HOXA3: variants seen among roughly 807,000 people sequenced by gnomAD.
HOXA3 encodes homeobox protein Hox-A3.
Under a neutral mutation model 30.3 loss-of-function variants are expected in HOXA3, and 8 were observed. The observed-to-expected ratio is 0.26, with a 90% CI of 0.15 to 0.48. The LOEUF (loss-of-function observed/expected upper bound fraction) is 0.48. HOXA3 is among the 20% of genes least tolerant of loss of function. HOXA3 has a pLI of 0.99. For missense variants in HOXA3, 653 were observed against 614.4 expected (o/e 1.06, Z -0.66); for synonymous variants, 323 against 273.1 (o/e 1.18, Z -1.80).
Position 27,152,253 on chromosome 7 carries a change from C to T in HOXA3, c.-494+35G>A, listed in dbSNP as rs746331492. On this transcript the variant is annotated intron_variant, in intron 1 of 5. Transcript: ENST00000612286. The stretch of plus-strand genomic sequence containing the variant: ...CTACCGCCGCCGGCTGTCGCCTCAC[C>T]ACCTTTGCTCCTATCTCCTCCCCAC... 507 of 1,251,838 alleles carry T rather than the reference C, an allele frequency of 4.1e-4. 2 individuals carry two copies. Among genetic ancestry groups the T allele is most frequent in the Middle Eastern group, 6.6e-4 (3 of 4,546 alleles). The allele number at this position is 1,251,838 out of a possible 1,614,324, so 77.5% of individuals were successfully genotyped here.
At chr7:27,120,163 C>A (rs1222728025) in intron 4 of HOXA3, among the ~76,000 whole-genome samples, 3 of 152,096 alleles carry the variant, frequency 2.0e-5, no homozygotes, top group Non-Finnish European at 4.4e-5. Flanking sequence ...CTCCCTACCC[C>A]CAAGTTTCTG....
intron 2 of HOXA3, 53 bp from the exon 3 acceptor site, chr7:27,127,123 G>T (rs765853021): frequency 3.9e-5 from 6 of 152,196 alleles, no homozygotes; most frequent in Non-Finnish European, 7.3e-5. Context: ...TGATTCCTGG[G>T]AAAATTGCTA....
chr7:27,131,527 A>G (rs143237428), intron 2 of HOXA3, among the ~76,000 whole-genome samples: 1 of 152,154 alleles, frequency 6.6e-6, no homozygotes, highest in Admixed American at 6.5e-5. Flanking sequence ...TTCAGAGACA[A>G]TCTGTTTCGT....
At chr7:27,114,863 A>AT (rs1784619539) in intron 4 of HOXA3, among the ~76,000 whole-genome samples, 4 of 32,082 alleles carry the variant, frequency 1.2e-4, no homozygotes, top group African/African-American at 2.5e-4. Context: ...TTATATATAT[A>AT]ATATATATTA....
rs1182815253 is a variant in HOXA3, at chr7:27,108,009, C to T, written c.1238G>A (p.Gly413Glu). The change falls in exon 6 of 6, where the codon GGG (glycine) becomes GAG (glutamate). Residue 413 changes from glycine (G) to glutamate (E), a missense_variant. Gly to Glu is a moderately conservative substitution (Grantham distance 98). This residue lies in a region of HOXA3 where 330 missense variants were observed against 274.4 expected (regional missense o/e 1.20). Transcript: ENST00000612286. This position sits in a 1 kb window ranked among gnomAD's most constrained non-coding sequence, Gnocchi z 5.0. ...GTAGGTGGGGTGCGGCTCCCCAGGC[C>T]CCGGCCCGTGGTGGTGGCCGCTGCC... ...PLGSGHHHGP[G>E]PGEPHPTYTD... 1 of 1,612,596 alleles carries T rather than the reference C, an allele frequency of 6.2e-7. No individual in the cohort carries two copies. The highest frequency in any genetic ancestry group is 1.1e-5 in the South Asian group (1 of 90,974).
At chr7:27,133,482 C>T (rs750700825) in intron 2 of HOXA3, among the ~76,000 whole-genome samples, 1 of 152,196 alleles carries the variant, frequency 6.6e-6, no homozygotes, top group Non-Finnish European at 1.5e-5. Flanking sequence ...CCAACTGGCT[C>T]CAGTCCCAAG....
chr7:27,124,856 T>C (rs1025579229), intron 3 of HOXA3, among the ~76,000 whole-genome samples: 2 of 152,116 alleles, frequency 1.3e-5, no homozygotes, highest in African/African-American at 2.4e-5. Flanking sequence ...ACCATGGAAA[T>C]AGCAGGGCAA....
At chr7:27,146,596 T>C (rs1171457826) in intron 1 of HOXA3, among the ~76,000 whole-genome samples, 1 of 152,156 alleles carries the variant, frequency 6.6e-6, no homozygotes, top group Non-Finnish European at 1.5e-5. Context: ...GGCTAAGAGA[T>C]GGAGCTATAG....
intron 1 of HOXA3, among the ~76,000 whole-genome samples, chr7:27,144,038 G>T (rs1306486945): frequency 6.6e-6 from 1 of 152,246 alleles, no homozygotes; most frequent in Non-Finnish European, 1.5e-5. Context: ...GTTCCATTAG[G>T]ATGTACCAAT....
In HOXA3 at chr7:27,108,686, C is replaced by G; in HGVS notation, c.561G>C (p.Gly187=). 6.2e-7 allele frequency: 1 copy of G among 1,607,170 alleles called. No homozygotes were observed. The highest frequency in any genetic ancestry group is 8.5e-7 in the Non-Finnish European group (1 of 1,175,000). ...TGCGCGCGCGCTTGGACGAAGCCTGCCCCGGCGGGCTCTTGTCGCCAGCGC... is the reference window on the plus strand; with the variant it reads ...TGCGCGCGCGCTTGGACGAAGCCTGGCCCGGCGGGCTCTTGTCGCCAGCGC... ...ESCAGDKSPP[G]QASSKRARTA... The change falls in exon 6 of 6, where the codon GGG becomes GGC. Residue 187 remains glycine, a synonymous_variant. Coordinates refer to ENST00000612286, the MANE Select transcript of HOXA3 (RefSeq NM_153631.3). This position sits in a 1 kb window ranked among gnomAD's most constrained non-coding sequence, Gnocchi z 5.0.
chr7:27,121,727 A>G (rs531775623), intron 4 of HOXA3, among the ~76,000 whole-genome samples: 9 of 152,368 alleles, frequency 5.9e-5, no homozygotes, highest in Non-Finnish European at 1.3e-4. Context: ...GAAAGAACAA[A>G]GCAAACTCAT....
chr7:27,143,486 T>C, intron 1 of HOXA3: 1 of 1,613,690 alleles, frequency 6.2e-7, no homozygotes, highest in Non-Finnish European at 8.5e-7. Flanking sequence ...CCTGCCGGAG[T>C]GCATGCTCGC....
chr7:27,111,610 C>T (rs1296689797), intron 4 of HOXA3, among the ~76,000 whole-genome samples: 1 of 152,116 alleles, frequency 6.6e-6, no homozygotes, highest in Non-Finnish European at 1.5e-5. Context: ...TTCTCAGGCA[C>T]TTCCCAGCAA....
Position 27,110,143 on chromosome 7 carries a change from T to C in HOXA3, c.498A>G (p.Thr166=). ...FPWMKESRQN[T]KQKTSSSSSG... ...AGCTGGAGCTGCTGGTTTTCTGCTT[T>C]GTGTTTTGTCGAGACTCTTTCATCC... The change falls in exon 5 of 6, where the codon ACA becomes ACG. Residue 166 remains threonine (T), a synonymous_variant. Transcript: ENST00000612286. 1 of 1,614,170 alleles carries C rather than the reference T, an allele frequency of 6.2e-7. No homozygotes were observed. Among genetic ancestry groups the C allele is most frequent in the East Asian group, 2.2e-5 (1 of 44,878 alleles).
chr7:27,145,889 TCGGCGCC>T, intron 1 of HOXA3: 1 of 1,612,456 alleles, frequency 6.2e-7, no homozygotes, highest in Non-Finnish European at 8.5e-7. Context: ...TCTGGCGGCC[TCGGCGCC>T]CATGGCTCCC....
chr7:27,127,150 A>T (rs555327188), intron 2 of HOXA3, 80 bp from the exon 3 acceptor site: 1 of 152,256 alleles, frequency 6.6e-6, no homozygotes, highest in South Asian at 2.1e-4. Context: ...GCGTGATTTA[A>T]TTTTGTTTTA....
At chr7:27,118,737 C>T (rs1335342100) in intron 4 of HOXA3, among the ~76,000 whole-genome samples, 5 of 152,240 alleles carry the variant, frequency 3.3e-5, no homozygotes, top group South Asian at 4.1e-4. Flanking sequence ...CACCCATGCA[C>T]CCCAGTCTCC....
intron 2 of HOXA3, among the ~76,000 whole-genome samples, chr7:27,131,589 G>A (rs1785561463): frequency 6.6e-6 from 1 of 152,196 alleles, no homozygotes; most frequent in South Asian, 2.1e-4. Context: ...TTTGACGGGG[G>A]TTGTCGATGT....
intron 4 of HOXA3, among the ~76,000 whole-genome samples, chr7:27,120,514 C>G (rs899808646): frequency 1.4e-5 from 2 of 145,414 alleles, no homozygotes; most frequent in African/African-American, 5.2e-5. Context: ...GCACTCCAGC[C>G]TGGGACAGAG....
Sources: gnomAD v4.1 joint callset for allele counts (sites outside exome capture counted in the v4.1 genomes callset) on GRCh38, gnomAD v4.1.1 for gene constraint, gnomAD v4.1.1 regional missense constraint, Gnocchi (gnomAD v3.1) non-coding constraint, MANE v1.5 for transcripts, NCBI Gene and HGNC (gene_info 2026-07-23, HGNC 2026-07-21) for gene names.